Variants in DEPTOR observed in about 807,000 individuals in gnomAD.
DEPTOR encodes DEP domain-containing mTOR-interacting protein.
Under a neutral mutation model 41.6 loss-of-function variants are expected in DEPTOR, and 41 were observed. That is an observed-to-expected ratio of 0.98 (90% CI 0.77 to 1.28). The LOEUF is 1.28. Among genes scored for constraint, DEPTOR ranks in the 50% most tolerant of loss-of-function variants. The pLI is 0.00. For synonymous variants in DEPTOR, 195 were observed against 192.3 expected (o/e 1.01, Z -0.12); for missense variants, 514 against 527.9 (o/e 0.97, Z 0.26).
intron 8 of DEPTOR, among the ~76,000 whole-genome samples, chr8:120,020,531 A>G (rs931982038): frequency 6.6e-6 from 1 of 152,102 alleles, no homozygotes; most frequent in African/African-American, 2.4e-5. Flanking sequence ...ATGAGCCATC[A>G]CACCTGGCCT....
chr8:119,910,156 C>T (rs1213991247), intron 1 of DEPTOR, among the ~76,000 whole-genome samples: 2 of 152,158 alleles, frequency 1.3e-5, no homozygotes, highest in South Asian at 2.1e-4. Flanking sequence ...TCAGGGGCTA[C>T]ATTGGGAAAC....
intron 1 of DEPTOR, among the ~76,000 whole-genome samples, chr8:119,885,885 G>A (rs1396634566): frequency 6.6e-6 from 1 of 151,440 alleles, no homozygotes; most frequent in Non-Finnish European, 1.5e-5. Flanking sequence ...GTATTTCAGA[G>A]TACGTTGTAG....
chr8:119,873,967 C>CG lies in DEPTOR; in HGVS notation c.122+1dup. 1.2e-6 allele frequency: 2 copies of CG among 1,613,612 alleles called. No homozygotes were observed. Among genetic ancestry groups the CG allele is most frequent in the Non-Finnish European group, 1.7e-6 (2 of 1,179,814 alleles). ...GGTCTTGGTCACCGGGGAACAGCTA[C>CG]GGTAAGGCAAGAGACACAGCGGGTG... On this transcript the variant is annotated frameshift_variant and splice_region_variant, in exon 1 of 9. Coordinates refer to ENST00000286234, the MANE Select transcript of DEPTOR (RefSeq NM_022783.4). LOFTEE classifies it high-confidence loss of function.
At chr8:119,903,344 C>T (rs989586020) in intron 1 of DEPTOR, among the ~76,000 whole-genome samples, 19 of 152,118 alleles carry the variant, frequency 1.2e-4, no homozygotes, top group Admixed American at 1.2e-3. Flanking sequence ...GTGATCCACC[C>T]ACCTTGGTCT....
At chr8:119,883,033 G>C (rs114422762) in intron 1 of DEPTOR, among the ~76,000 whole-genome samples, 2,828 of 152,206 alleles carry the variant, frequency 0.019, 88 homozygotes, top group African/African-American at 0.063. Context: ...GGACAGATAG[G>C]ATGCTTGCAA....
chr8:119,936,506 C>G (rs2129877634), intron 3 of DEPTOR, among the ~76,000 whole-genome samples: 1 of 152,286 alleles, frequency 6.6e-6, no homozygotes. Context: ...CTCTGTACAA[C>G]TCTGTGAGTT....
At chr8:119,901,003 AAGCATTGAAATT>A (rs1827583112) in intron 1 of DEPTOR, among the ~76,000 whole-genome samples, 1 of 152,180 alleles carries the variant, frequency 6.6e-6, no homozygotes, top group Non-Finnish European at 1.5e-5. Flanking sequence ...TTTAGTTTCA[AAGCATTGAAATT>A]TCATTCTCCT....
chr8:119,907,382 C>G (rs1383555893), intron 1 of DEPTOR, among the ~76,000 whole-genome samples: 1 of 151,962 alleles, frequency 6.6e-6, no homozygotes. Context: ...AATACATATG[C>G]CTACGGATAA....
At chr8:120,029,384 T>C (rs973374053) in intron 8 of DEPTOR, among the ~76,000 whole-genome samples, 2 of 152,120 alleles carry the variant, frequency 1.3e-5, no homozygotes, top group African/African-American at 4.8e-5. Context: ...GTCTTGAGTT[T>C]TATTTTATTT....
intron 1 of DEPTOR, among the ~76,000 whole-genome samples, chr8:119,926,986 A>G (rs1461728895): frequency 6.6e-6 from 1 of 152,218 alleles, no homozygotes; most frequent in Non-Finnish European, 1.5e-5. Flanking sequence ...TTCTTCGTAG[A>G]TGTTCATATC....
At chr8:120,022,027 G>A (rs1812724491) in intron 8 of DEPTOR, among the ~76,000 whole-genome samples, 1 of 151,906 alleles carries the variant, frequency 6.6e-6, no homozygotes, top group Non-Finnish European at 1.5e-5. Flanking sequence ...AGCCACTACT[G>A]GCACGTAGTA....
At position 120,001,782 on chromosome 8, in the gene DEPTOR, T is replaced by G. The variant is rs561764498; in HGVS notation, c.790+72T>G. The G allele has an allele frequency of 1.2e-4, 177 of 1,497,802 alleles. 1 individual carries two copies. In the South Asian group the frequency reaches 2.4e-3, roughly 20 times the overall value. 92.8% of individuals were successfully genotyped at this position (1,497,802 alleles called of 1,614,324 possible). A position where few individuals can be genotyped will look rare whatever the true frequency, so the allele number is the denominator to read the frequency against. On this transcript the variant is annotated intron_variant, in intron 5 of 8. Transcript: ENST00000286234. Reference sequence around the variant, plus strand: ...GAAATAGTGGAGCCATGACTCACCTTTGTGAAATTCTGTTCTCTATCAGAG... The same window carrying G: ...GAAATAGTGGAGCCATGACTCACCTGTGTGAAATTCTGTTCTCTATCAGAG...
intron 8 of DEPTOR, among the ~76,000 whole-genome samples, chr8:120,049,217 A>G (rs527270534): frequency 6.6e-6 from 1 of 152,240 alleles, no homozygotes; most frequent in East Asian, 1.9e-4. Context: ...CAACAGTCTT[A>G]TAAGGTAGGT....
intron 1 of DEPTOR, among the ~76,000 whole-genome samples, chr8:119,915,277 T>C (rs1455364560): frequency 2.0e-5 from 3 of 152,236 alleles, no homozygotes; most frequent in African/African-American, 7.2e-5. Context: ...TTTTAGTTAT[T>C]ATTTAAATAA....
chr8:119,953,078 T>C (rs1828374106), intron 3 of DEPTOR, among the ~76,000 whole-genome samples: 1 of 152,324 alleles, frequency 6.6e-6, no homozygotes, highest in South Asian at 2.1e-4. Context: ...TCAATGCTCA[T>C]GTGAGCATTT....
In DEPTOR at chr8:119,965,230, A is replaced by C. The variant is rs764419762; in HGVS notation, c.426-2A>C. 1.3e-6 allele frequency: 2 copies of C among 1,599,786 alleles called. No individual in the cohort carries two copies. The highest frequency in any genetic ancestry group is 1.7e-6 in the Non-Finnish European group (2 of 1,176,084). On this transcript the variant is annotated splice_acceptor_variant, in intron 3 of 8. Transcript: ENST00000286234. LOFTEE classifies it high-confidence loss of function. ...TTTTCTTTTCCCTTTTTTTCTTCCC[A>C]GGCTGATGAGCCCTGAAAACACACT...
At chr8:119,900,425 T>C (rs1224183319) in intron 1 of DEPTOR, among the ~76,000 whole-genome samples, 2 of 116,038 alleles carry the variant, frequency 1.7e-5, no homozygotes, top group African/African-American at 6.4e-5. Context: ...GTCTCACACT[T>C]GCCTAGGCTG....
At chr8:119,990,610 T>C (rs1312909241) in intron 4 of DEPTOR, among the ~76,000 whole-genome samples, 1 of 152,252 alleles carries the variant, frequency 6.6e-6, no homozygotes, top group Admixed American at 6.5e-5. Context: ...TTACTAAAGT[T>C]ACTTTGAATC....
intron 8 of DEPTOR, among the ~76,000 whole-genome samples, chr8:120,040,083 A>G (rs923722309): frequency 3.9e-5 from 6 of 151,954 alleles, no homozygotes; most frequent in Non-Finnish European, 8.8e-5. Flanking sequence ...ACTCCAAGTG[A>G]TGCGCCTGCC....
Sources: allele counts gnomAD v4.1 joint callset (sites outside exome capture counted in the v4.1 genomes callset), GRCh38; gene constraint gnomAD v4.1.1; transcripts MANE v1.5; gene names NCBI Gene and HGNC (gene_info 2026-07-23, HGNC 2026-07-21).